The following MAP7 variants were observed in gnomAD, a reference collection of about 807,000 sequenced individuals.
MAP7 encodes the protein ensconsin.
A neutral mutation model predicts 94.8 loss-of-function variants in MAP7; 52 were observed. That is an observed-to-expected ratio of 0.55 (90% CI 0.44 to 0.69). The LOEUF (loss-of-function observed/expected upper bound fraction) is 0.69, where lower values mean the gene tolerates loss of function less well. MAP7 is among the 30% of genes least tolerant of loss of function. The pLI, the probability that MAP7 is intolerant of heterozygous loss-of-function variation, is 0.00. For synonymous variants in MAP7, 350 were observed against 357.0 expected, an observed-to-expected ratio of 0.98 and a Z score of 0.22; for missense variants, 940 against 964.6, an observed-to-expected ratio of 0.97 and a Z score of 0.34.
chr6:136,346,861 G>A (rs1204845701), intron 16 of MAP7, among the ~76,000 whole-genome samples: 1 of 152,102 alleles, frequency 6.6e-6, no homozygotes, highest in Non-Finnish European at 1.5e-5. Flanking sequence ...CTTAATCTCT[G>A]GTCCTGTGTT....
At chr6:136,485,517 A>T (rs956530612) in intron 1 of MAP7, among the ~76,000 whole-genome samples, 1 of 151,720 alleles carries the variant, frequency 6.6e-6, no homozygotes, top group Non-Finnish European at 1.5e-5. Flanking sequence ...AGTAGAAGGT[A>T]ACAAAGTTTG....
In MAP7 at chr6:136,384,552, T is replaced by C. The variant is rs115205863; in HGVS notation, c.527-771A>G. Among the ~76,000 whole-genome samples, 564 of 151,932 alleles carry C rather than the reference T, an allele frequency of 3.7e-3. 3 individuals are homozygous for C. The highest frequency in any genetic ancestry group is 0.013 in the African/African-American group (537 of 41,452). ...TCTGTTGGCCAGGCTGGCATGATCA[T>C]AGCTCACTGCAGCCTCGATCTCCTG... is the stretch of plus-strand genomic sequence containing the variant. On this transcript the variant is annotated intron_variant, in intron 5 of 17. Transcript: ENST00000354570.
intron 1 of MAP7, among the ~76,000 whole-genome samples, chr6:136,437,985 T>C (rs1171996732): frequency 6.6e-6 from 1 of 152,166 alleles, no homozygotes; most frequent in South Asian, 2.1e-4. Context: ...TCATTCAACT[T>C]TGCCTAGGAA....
intron 1 of MAP7, among the ~76,000 whole-genome samples, chr6:136,443,522 G>A (rs905180287): frequency 1.4e-5 from 2 of 145,230 alleles, no homozygotes; most frequent in African/African-American, 2.6e-5. Flanking sequence ...TGCAATCTTG[G>A]CTCACTGCAA....
chr6:136,384,664 T>G (rs1204009962), intron 5 of MAP7, among the ~76,000 whole-genome samples: 1 of 152,136 alleles, frequency 6.6e-6, no homozygotes, highest in Non-Finnish European at 1.5e-5. Context: ...TTTAATTTTT[T>G]TGTAGAGGTG....
chr6:136,547,495 C>G (rs1190830598), intron 1 of MAP7, among the ~76,000 whole-genome samples: 1 of 151,980 alleles, frequency 6.6e-6, no homozygotes, highest in Non-Finnish European at 1.5e-5. Context: ...TATCACCCAT[C>G]GTAGGTCGAC....
At chr6:136,532,437 G>T (rs1828547317) in intron 1 of MAP7, among the ~76,000 whole-genome samples, 1 of 152,066 alleles carries the variant, frequency 6.6e-6, no homozygotes, top group Admixed American at 6.6e-5. Context: ...AGAATTAAAG[G>T]TTAACATATG....
Position 136,450,872 on chromosome 6 carries a change from A to G in MAP7, c.68-29073T>C, listed in dbSNP as rs111762620. Among the ~76,000 whole-genome samples the G allele has an allele frequency of 6.5e-3, 997 of 152,282 alleles. 14 individuals are homozygous for G. The highest frequency in any genetic ancestry group is 6.8e-3 in the Middle Eastern group (2 of 294). On this transcript the variant is annotated intron_variant, in intron 1 of 17. Coordinates refer to ENST00000354570, the MANE Select transcript of MAP7 (RefSeq NM_003980.6). ...GTCAATGTTCTGTTTTTTGAAGGTTACTGCTGGTGGGGCTCAGGGAATTCC... is the reference window on the plus strand; with the variant it reads ...GTCAATGTTCTGTTTTTTGAAGGTTGCTGCTGGTGGGGCTCAGGGAATTCC...
intron 1 of MAP7, 60 bp from the exon 2 acceptor site, chr6:136,421,859 C>A: frequency 7.6e-7 from 1 of 1,316,766 alleles, no homozygotes. Flanking sequence ...TCTTCAGAAA[C>A]ATTTAAGTAT....
intron 1 of MAP7, among the ~76,000 whole-genome samples, chr6:136,454,293 A>ATCTG (rs745553096): frequency 6.6e-6 from 1 of 151,382 alleles, no homozygotes; most frequent in Non-Finnish European, 1.5e-5. Context: ...CTATCTATCT[A>ATCTG]TCTATCTATC....
Position 136,381,917 on chromosome 6 carries a change from C to CAG in MAP7, c.637+1753_637+1754insCT, listed in dbSNP as rs1403638806. Reference sequence around the variant, plus strand: ...ACACACACACACACACACACACACACACAGAGAGAGAGAGAGAGAATGCAT... The same window carrying CAG: ...ACACACACACACACACACACACACACAGACAGAGAGAGAGAGAGAGAATGCAT... On this transcript the variant is annotated intron_variant, in intron 6 of 17. Coordinates refer to ENST00000354570, the MANE Select transcript of MAP7 (RefSeq NM_003980.6). Among the ~76,000 whole-genome samples the CAG allele has an allele frequency of 2.8e-3, 374 of 135,878 alleles. 2 individuals are homozygous for CAG. Among genetic ancestry groups the CAG allele is most frequent in the South Asian group, 0.011 (47 of 4,248 alleles). 89.1% of individuals were successfully genotyped at this position (135,878 alleles called of 152,430 possible).
chr6:136,526,691 A>G, intron 1 of MAP7: 1 of 985,448 alleles, frequency 1.0e-6, no homozygotes, highest in South Asian at 4.7e-5. Context: ...TTGCACAAGC[A>G]GCAGTAGACT....
intron 1 of MAP7, among the ~76,000 whole-genome samples, chr6:136,473,319 A>G (rs1309641410): frequency 6.6e-6 from 1 of 152,224 alleles, no homozygotes; most frequent in Non-Finnish European, 1.5e-5. Flanking sequence ...ATAGCTCAAG[A>G]AACACCCTAA....
At chr6:136,549,057 T>A (rs1429465759) in intron 1 of MAP7, among the ~76,000 whole-genome samples, 2 of 152,246 alleles carry the variant, frequency 1.3e-5, no homozygotes, top group Non-Finnish European at 2.9e-5. Flanking sequence ...TTTGTCAGTC[T>A]TAACCTCAGG....
chr6:136,418,237 A>C (rs1343445256), intron 2 of MAP7, among the ~76,000 whole-genome samples: 2 of 152,068 alleles, frequency 1.3e-5, no homozygotes, highest in African/African-American at 2.4e-5. Context: ...GTTTTTTGAG[A>C]CAGAGTCTCG....
intron 1 of MAP7, among the ~76,000 whole-genome samples, chr6:136,436,175 GT>G (rs1275194646): frequency 1.3e-5 from 2 of 152,182 alleles, no homozygotes; most frequent in African/African-American, 2.4e-5. Flanking sequence ...TTTAATATGT[GT>G]GGTTAACTAT....
rs1169751704 is a variant in MAP7 at position 136,344,098 on chromosome 6, A to G, written c.*130T>C. ...TGTTGTCTTTAGCTAGTTTTAATAAATCTTTTCAAAATGATGGTCAAGAAC... is the reference window on the plus strand; with the variant it reads ...TGTTGTCTTTAGCTAGTTTTAATAAGTCTTTTCAAAATGATGGTCAAGAAC... On this transcript the variant is annotated 3_prime_UTR_variant, in exon 18 of 18. Transcript: ENST00000354570. 1.5e-5 allele frequency: 6 copies of G among 409,318 alleles called. No individual in the cohort carries two copies. The highest frequency in any genetic ancestry group is 2.6e-5 in the Non-Finnish European group (6 of 226,456). The allele number at this position is 409,318 out of a possible 1,614,324, so 25.4% of individuals were successfully genotyped here.
chr6:136,459,268 T>C (rs1804374881), intron 1 of MAP7, among the ~76,000 whole-genome samples: 1 of 152,000 alleles, frequency 6.6e-6, no homozygotes, highest in Admixed American at 6.6e-5. Flanking sequence ...CCAGTGTTGG[T>C]GAGGATATGG....
intron 16 of MAP7, among the ~76,000 whole-genome samples, chr6:136,348,380 G>T (rs577331192): frequency 6.6e-6 from 1 of 152,268 alleles, no homozygotes; most frequent in South Asian, 2.1e-4. Flanking sequence ...CATATGCATT[G>T]GATGACAAGT....
Sources: allele counts gnomAD v4.1 joint callset (sites outside exome capture counted in the v4.1 genomes callset), GRCh38; gene constraint gnomAD v4.1.1; transcripts MANE v1.5; gene names NCBI Gene and HGNC (gene_info 2026-07-23, HGNC 2026-07-21).